RTL4: variants seen among roughly 807,000 people sequenced by gnomAD.
The protein encoded by RTL4 is retrotransposon Gag like 4.
Under a neutral mutation model 5.3 loss-of-function variants are expected in RTL4, and 4 were observed. The observed-to-expected ratio is 0.75, with a 90% confidence interval of 0.37 to 1.72. RTL4 has a LOEUF of 1.72. Ranked by LOEUF, RTL4 falls within the 40% of genes most tolerant of loss-of-function variation. RTL4 has a pLI of 0.04. For synonymous variants in RTL4, 98 were observed against 87.3 expected (o/e 1.12, Z -0.68); for missense variants, 260 against 227.1 (o/e 1.14, Z -0.93).
At chrX:112,228,665 G>T in the RTL4 span, among the ~76,000 whole-genome samples, 1 of 111,721 alleles carries the variant, frequency 9.0e-6, no homozygotes, top group African/African-American at 3.3e-5. Flanking sequence ...AAGTGTGTAT[G>T]CTTTGATCAA....
At chrX:112,349,297 G>C in the RTL4 span, among the ~76,000 whole-genome samples, 1 of 111,068 alleles carries the variant, frequency 9.0e-6, no homozygotes, top group African/African-American at 3.3e-5. Context: ...CCAATTGCAC[G>C]GCCCTTTTTG....
At chrX:112,253,199 G>A in the RTL4 span, among the ~76,000 whole-genome samples, 1 of 111,561 alleles carries the variant, frequency 9.0e-6, no homozygotes, top group Non-Finnish European at 1.9e-5. Context: ...TGTGCTGTTT[G>A]CCATAGGTAC....
At chrX:112,223,290 C>T in the RTL4 span, among the ~76,000 whole-genome samples, 123 of 112,306 alleles carry the variant, frequency 1.1e-3, no homozygotes, top group Non-Finnish European at 1.4e-3. Context: ...AGCTTTTTGG[C>T]ATCCTTCCAC....
chrX:112,296,586 C>G, the RTL4 span, among the ~76,000 whole-genome samples: 1 of 106,853 alleles, frequency 9.4e-6, no homozygotes, highest in South Asian at 4.2e-4. Flanking sequence ...TCTTGAGAAT[C>G]CTTTTTCTTT....
chrX:112,217,310 G>C, the RTL4 span, among the ~76,000 whole-genome samples: 1 of 112,020 alleles, frequency 8.9e-6, no homozygotes, highest in South Asian at 3.8e-4. Flanking sequence ...CACATGAAGA[G>C]AGTTGGTGGT....
chrX:112,158,340 A>G, the RTL4 span, among the ~76,000 whole-genome samples: 1 of 111,333 alleles, frequency 9.0e-6, no homozygotes, highest in Non-Finnish European at 1.9e-5. Flanking sequence ...TAGAATACAG[A>G]GTAGTGAAAA....
the RTL4 span, among the ~76,000 whole-genome samples, chrX:112,127,667 A>C: frequency 8.9e-6 from 1 of 111,913 alleles, no homozygotes; most frequent in Non-Finnish European, 1.9e-5. Flanking sequence ...TATATATAGA[A>C]AATCTCAAAG....
the RTL4 span, among the ~76,000 whole-genome samples, chrX:112,246,652 A>AT: frequency 9.0e-6 from 1 of 111,561 alleles, no homozygotes; most frequent in Non-Finnish European, 1.9e-5. Flanking sequence ...GGAAAGGGAA[A>AT]TCCCCAGACC....
the RTL4 span, among the ~76,000 whole-genome samples, chrX:112,102,389 A>G: frequency 8.9e-6 from 1 of 111,790 alleles, no homozygotes; most frequent in African/African-American, 3.2e-5. Flanking sequence ...GGGAAATTAT[A>G]AAAAGTGACT....
chrX:112,193,032 T>C, the RTL4 span, among the ~76,000 whole-genome samples: 8 of 111,969 alleles, frequency 7.1e-5, no homozygotes, highest in Non-Finnish European at 1.5e-4. Flanking sequence ...ATAAAATCCT[T>C]GGTTGACAGG....
the RTL4 span, among the ~76,000 whole-genome samples, chrX:112,291,129 A>T: frequency 9.1e-6 from 1 of 110,475 alleles, no homozygotes; most frequent in Non-Finnish European, 1.9e-5. Context: ...GGCAGAAGGG[A>T]AGTAGAAAAG....
At chrX:112,174,168 T>C in the RTL4 span, among the ~76,000 whole-genome samples, 2 of 104,453 alleles carry the variant, frequency 1.9e-5, no homozygotes, top group African/African-American at 7.0e-5. Flanking sequence ...GCCATGCTGG[T>C]GTGCTGCACC....
the RTL4 span, among the ~76,000 whole-genome samples, chrX:112,398,211 A>G: frequency 9.1e-5 from 10 of 110,383 alleles, no homozygotes; most frequent in Admixed American, 9.7e-4. Context: ...GGTTTTTGTC[A>G]AATTCTTCTT....
At chrX:112,275,574 T>A in the RTL4 span, among the ~76,000 whole-genome samples, 1 of 111,469 alleles carries the variant, frequency 9.0e-6, no homozygotes, top group Non-Finnish European at 1.9e-5. Context: ...ACTGGTAAAA[T>A]GAGGAGAAAA....
the RTL4 span, among the ~76,000 whole-genome samples, chrX:112,118,797 C>T: frequency 1.8e-5 from 2 of 111,758 alleles, no homozygotes; most frequent in Non-Finnish European, 3.8e-5. Flanking sequence ...TATTTTAAAA[C>T]TTAGTTTCTT....
chrX:112,097,888 T>G, the RTL4 span, among the ~76,000 whole-genome samples: 1 of 111,353 alleles, frequency 9.0e-6, no homozygotes, highest in Non-Finnish European at 1.9e-5. Context: ...TTTTTTCAAT[T>G]TGGCCCTGGC....
At chrX:112,093,898 G>C in the RTL4 span, among the ~76,000 whole-genome samples, 1 of 111,816 alleles carries the variant, frequency 8.9e-6, no homozygotes, top group African/African-American at 3.2e-5. Context: ...CTGCCACATA[G>C]ATTCTACAGA....
chrX:112,271,071 A>C, the RTL4 span, among the ~76,000 whole-genome samples: 2 of 73,520 alleles, frequency 2.7e-5, no homozygotes, highest in East Asian at 5.3e-4. Context: ...AAAAAAAAAA[A>C]CCCACAATGG....
chrX:112,120,506 G>A, the RTL4 span, among the ~76,000 whole-genome samples: 3 of 109,782 alleles, frequency 2.7e-5, no homozygotes, highest in Non-Finnish European at 5.7e-5. Context: ...TCGATCTCCT[G>A]ACCTCGTGAT....
Sources: gnomAD v4.1 joint callset for allele counts (sites outside exome capture counted in the v4.1 genomes callset) on GRCh38, gnomAD v4.1.1 for gene constraint, MANE v1.5 for transcripts, NCBI Gene and HGNC (gene_info 2026-07-23, HGNC 2026-07-21) for gene names.